The following ROBO2 variants were observed in gnomAD, a reference collection of about 807,000 sequenced individuals.
ROBO2 encodes roundabout guidance receptor 2.
ROBO2 carries 53 observed loss-of-function variants against 160.8 expected under a neutral mutation model. The ratio of observed to expected loss-of-function variants is 0.33; its 90% confidence interval spans 0.26 to 0.41. The LOEUF (loss-of-function observed/expected upper bound fraction) is 0.41, where lower values mean the gene tolerates loss of function less well. Ranked by LOEUF, ROBO2 falls within the 10% of genes least tolerant of loss-of-function variation. The pLI is 1.00. For missense variants in ROBO2, 1,577 were observed against 1,722.4 expected (o/e 0.92, Z 1.49); for synonymous variants, 664 against 611.7 (o/e 1.09, Z -1.26).
At chr3:76,547,863 G>A (rs1337169244) in intron 2 of ROBO2, among the ~76,000 whole-genome samples, 4 of 152,054 alleles carry the variant, frequency 2.6e-5, no homozygotes, top group African/African-American at 7.2e-5. Flanking sequence ...AATTTAAAGT[G>A]ATTAGCATAA....
intron 2 of ROBO2, among the ~76,000 whole-genome samples, chr3:76,833,480 C>T (rs1262378945): frequency 6.6e-6 from 1 of 152,096 alleles, no homozygotes; most frequent in African/African-American, 2.4e-5. Context: ...ATTTAGAAGA[C>T]AAAACGATAT....
At chr3:77,209,048 A>G (rs1173002416) in intron 2 of ROBO2, among the ~76,000 whole-genome samples, 2 of 152,200 alleles carry the variant, frequency 1.3e-5, no homozygotes, top group East Asian at 1.9e-4. Flanking sequence ...CAGATCTCAC[A>G]TGTGATTCTT....
At chr3:76,591,005 A>G (rs1253152594) in intron 2 of ROBO2, among the ~76,000 whole-genome samples, 1 of 152,124 alleles carries the variant, frequency 6.6e-6, no homozygotes, top group Admixed American at 6.5e-5. Context: ...CTTTATTTTA[A>G]GTAACATGAG....
At chr3:76,906,752 G>T (rs1005458629) in intron 2 of ROBO2, among the ~76,000 whole-genome samples, 1 of 151,976 alleles carries the variant, frequency 6.6e-6, no homozygotes, top group Non-Finnish European at 1.5e-5. Flanking sequence ...TTGCTACACA[G>T]TCTCTATTAT....
rs540516906 is a variant in ROBO2 at position 76,141,060 on chromosome 3, C to CACATATATATATATATATATATATATAT, written c.109+203459_109+203460insCATATATATATATATATATATATATATA. Among the ~76,000 whole-genome samples, 150 of 53,576 alleles carry CACATATATATATATATATATATATATAT rather than the reference C, an allele frequency of 2.8e-3. 2 individuals carry two copies. Among genetic ancestry groups the CACATATATATATATATATATATATATAT allele is most frequent in the African/African-American group, 0.01 (143 of 14,226 alleles). 35.1% of individuals were successfully genotyped at this position (53,576 alleles called of 152,430 possible). A position where few individuals can be genotyped will look rare whatever the true frequency, so the allele number is the denominator to read the frequency against. ...ACACACACAGATGTCTTTTTACATA[C>CACATATATATATATATATATATATATAT]ATATATATATATATATAAAATATAT... On this transcript the variant is annotated intron_variant, in intron 2 of 26. Transcript: ENST00000487694.
intron 2 of ROBO2, among the ~76,000 whole-genome samples, chr3:77,374,215 G>GAAT (rs2072295117): frequency 2.2e-5 from 1 of 44,536 alleles, no homozygotes; most frequent in Admixed American, 2.0e-4. Flanking sequence ...CTGGACTAAA[G>GAAT]AAAAAAACAA....
intron 5 of ROBO2, among the ~76,000 whole-genome samples, chr3:77,514,024 C>T (rs1213900041): frequency 3.3e-5 from 5 of 151,734 alleles, no homozygotes; most frequent in Non-Finnish European, 2.9e-5. Context: ...TTTGAATTTC[C>T]TCATCAGTAA....
chr3:77,082,309 C>T (rs999112606), intron 1 of ROBO2, among the ~76,000 whole-genome samples: 2 of 152,276 alleles, frequency 1.3e-5, no homozygotes, highest in South Asian at 4.1e-4. Context: ...CTTCAGTTTT[C>T]AGCCTAATTG....
intron 2 of ROBO2, among the ~76,000 whole-genome samples, chr3:77,301,870 C>T (rs1378562079): frequency 6.6e-6 from 1 of 151,212 alleles, no homozygotes; most frequent in African/African-American, 2.5e-5. Flanking sequence ...CCTTGCTGAG[C>T]TTCAATTTCC....
chr3:76,296,445 A>G (rs1709079757), intron 2 of ROBO2, among the ~76,000 whole-genome samples: 1 of 152,156 alleles, frequency 6.6e-6, no homozygotes, highest in South Asian at 2.1e-4. Context: ...CTCCATGAGT[A>G]CAGATGAGAA....
intron 2 of ROBO2, among the ~76,000 whole-genome samples, chr3:77,296,398 G>T (rs12631368): frequency 1.3e-5 from 2 of 152,030 alleles, no homozygotes; most frequent in Non-Finnish European, 2.9e-5. Context: ...GATCACCAAA[G>T]ACATAAAGTA....
intron 2 of ROBO2, among the ~76,000 whole-genome samples, chr3:76,419,825 T>A (rs776389884): frequency 2.0e-5 from 3 of 152,198 alleles, no homozygotes; most frequent in Non-Finnish European, 4.4e-5. Flanking sequence ...ATTATATTCA[T>A]AATAAGTGTT....
chr3:77,339,816 T>A lies in ROBO2; in HGVS notation c.389-137598T>A, dbSNP rs139722472. Among the ~76,000 whole-genome samples the A allele has an allele frequency of 2.7e-3, 405 of 152,130 alleles. 3 individuals carry two copies. The highest frequency in any genetic ancestry group is 9.3e-3 in the African/African-American group (387 of 41,534). On this transcript the variant is annotated intron_variant, in intron 2 of 25. Transcript: ENST00000461745. ...AAAAACATGCAGACATTTCATAGGA[T>A]TTTTTTCCCCTTTCCACTTCAATGC...
intron 2 of ROBO2, among the ~76,000 whole-genome samples, chr3:77,473,733 G>C (rs1258408993): frequency 6.6e-6 from 1 of 152,090 alleles, no homozygotes; most frequent in East Asian, 1.9e-4. Flanking sequence ...TGGGATTACA[G>C]GCGTGAGCCA....
At chr3:77,027,022 A>T (rs1038949875) in intron 2 of ROBO2, among the ~76,000 whole-genome samples, 2 of 152,220 alleles carry the variant, frequency 1.3e-5, no homozygotes, top group Non-Finnish European at 2.9e-5. Context: ...ATAGAGTCAT[A>T]CTGCAACTTA....
intron 2 of ROBO2, among the ~76,000 whole-genome samples, chr3:76,746,848 C>T (rs1468312123): frequency 6.6e-6 from 1 of 152,018 alleles, no homozygotes; most frequent in Admixed American, 6.6e-5. Context: ...TTGTTACGCT[C>T]CCTGTGTCCA....
At position 77,115,914 on chromosome 3, in the gene ROBO2, C is replaced by T. The variant is rs78789486; in HGVS notation, c.388+17574C>T. Reference sequence around the variant, plus strand: ...GGGTGATGTAGTTAATGAGATCTAGCGACATCATGACCCTGACCCCTTCGT... The same window carrying T: ...GGGTGATGTAGTTAATGAGATCTAGTGACATCATGACCCTGACCCCTTCGT... On this transcript the variant is annotated intron_variant, in intron 2 of 25. Coordinates refer to ENST00000461745, the Ensembl canonical transcript of ROBO2. Among the ~76,000 whole-genome samples, 598 of 152,204 alleles carry T rather than the reference C, an allele frequency of 3.9e-3. 7 individuals are homozygous for T. Among genetic ancestry groups the T allele is most frequent in the Middle Eastern group, 0.014 (4 of 294 alleles).
intron 2 of ROBO2, among the ~76,000 whole-genome samples, chr3:76,468,896 C>T (rs2078502154): frequency 6.6e-6 from 1 of 152,090 alleles, no homozygotes; most frequent in Non-Finnish European, 1.5e-5. Flanking sequence ...ACATTTCTCT[C>T]TTTAGCCACA....
chr3:76,736,914 T>A (rs2093722160), intron 2 of ROBO2, among the ~76,000 whole-genome samples: 1 of 152,150 alleles, frequency 6.6e-6, no homozygotes, highest in African/African-American at 2.4e-5. Flanking sequence ...TAATCTAAAA[T>A]ATGTGAGGCA....
Sources: allele counts gnomAD v4.1 joint callset (sites outside exome capture counted in the v4.1 genomes callset), GRCh38; gene constraint gnomAD v4.1.1; transcripts MANE v1.5; gene names NCBI Gene and HGNC (gene_info 2026-07-23, HGNC 2026-07-21).